The following DOCK8 variants were observed in gnomAD, a reference collection of about 807,000 sequenced individuals.
DOCK8 encodes dedicator of cytokinesis 8.
DOCK8 carries 141 observed loss-of-function variants against 245.6 expected under a neutral mutation model. That is an observed-to-expected ratio of 0.57 (90% confidence interval 0.50 to 0.66). DOCK8 has a LOEUF of 0.66. DOCK8 is among the 30% of genes least tolerant of loss of function. The pLI is 0.00. For synonymous variants in DOCK8, 1,168 were observed against 970.2 expected, an observed-to-expected ratio of 1.20 and a Z score of -3.79; for missense variants, 2,965 against 2,603.4, an observed-to-expected ratio of 1.14 and a Z score of -3.02.
At chr9:222,699 C>T (rs1332735585) in intron 1 of DOCK8, among the ~76,000 whole-genome samples, 1 of 152,160 alleles carries the variant, frequency 6.6e-6, no homozygotes, top group African/African-American at 2.4e-5. Context: ...TACATGCAAC[C>T]ATAAATGGTG....
intron 46 of DOCK8, among the ~76,000 whole-genome samples, chr9:458,988 C>T (rs1587129289): frequency 6.6e-6 from 1 of 152,272 alleles, no homozygotes; most frequent in East Asian, 1.9e-4. Flanking sequence ...AATCTGGTTT[C>T]TGTAGAACTG....
chr9:401,015 A>G (rs187520730), intron 26 of DOCK8, among the ~76,000 whole-genome samples: 8 of 136,442 alleles, frequency 5.9e-5, no homozygotes, highest in African/African-American at 2.0e-4. Flanking sequence ...TAGCTCCACC[A>G]TGACCACCTC....
chr9:280,407 C>G (rs2048527422), intron 2 of DOCK8, among the ~76,000 whole-genome samples: 1 of 152,180 alleles, frequency 6.6e-6, no homozygotes, highest in Admixed American at 6.5e-5. Context: ...CTCAGAGAAA[C>G]AGAAGCTGTA....
intron 2 of DOCK8, among the ~76,000 whole-genome samples, chr9:271,961 GA>G (rs1269931193): frequency 6.6e-6 from 1 of 152,084 alleles, no homozygotes; most frequent in Admixed American, 6.6e-5. Context: ...GATGTCTCTA[GA>G]CTAGGTGGGC....
chr9:332,796 T>C (rs2051086362), intron 10 of DOCK8, among the ~76,000 whole-genome samples: 1 of 151,728 alleles, frequency 6.6e-6, no homozygotes, highest in Non-Finnish European at 1.5e-5. Flanking sequence ...CAGCTGGTAC[T>C]ACAGGCACAT....
At chr9:290,573 T>C (rs1374168530) in intron 4 of DOCK8, among the ~76,000 whole-genome samples, 2 of 152,242 alleles carry the variant, frequency 1.3e-5, no homozygotes, top group Non-Finnish European at 2.9e-5. Context: ...TCTGTGACAT[T>C]GTTCTGAGCT....
chr9:338,968 A>C (rs2051446594), intron 12 of DOCK8, 38 bp from the exon 13 acceptor site: 1 of 1,559,718 alleles, frequency 6.4e-7, no homozygotes, highest in Admixed American at 1.7e-5. Flanking sequence ...CAAGAGTCAA[A>C]GGTGCATCTA....
At chr9:306,652 A>G (rs2049844346) in intron 5 of DOCK8, among the ~76,000 whole-genome samples, 1 of 152,190 alleles carries the variant, frequency 6.6e-6, no homozygotes, top group South Asian at 2.1e-4. Context: ...AGAATCTCCC[A>G]GAGGGTTTGT....
intron 23 of DOCK8, among the ~76,000 whole-genome samples, chr9:389,537 C>G (rs1344434111): frequency 2.0e-5 from 3 of 152,190 alleles, no homozygotes; most frequent in Admixed American, 2.0e-4. Context: ...ATTGTCCAGT[C>G]TCCTAGAGAG....
At chr9:244,294 G>GCACA (rs1404787728) in intron 1 of DOCK8, among the ~76,000 whole-genome samples, 1 of 145,160 alleles carries the variant, frequency 6.9e-6, no homozygotes, top group Non-Finnish European at 1.5e-5. Flanking sequence ...ACACACACAC[G>GCACA]CACACACATA....
intron 33 of DOCK8, among the ~76,000 whole-genome samples, chr9:423,322 G>C (rs2056354204): frequency 6.6e-6 from 1 of 152,182 alleles, no homozygotes; most frequent in South Asian, 2.1e-4. Flanking sequence ...ATATATGTTT[G>C]ACTAGATAGC....
chr9:243,966 C>T (rs1296549999), intron 1 of DOCK8, among the ~76,000 whole-genome samples: 2 of 151,898 alleles, frequency 1.3e-5, no homozygotes, highest in Admixed American at 6.6e-5. Context: ...GGGCAGATCA[C>T]GAGGTCAGGA....
intron 26 of DOCK8, among the ~76,000 whole-genome samples, chr9:400,343 C>T (rs796887906): frequency 1.2e-4 from 10 of 82,026 alleles, no homozygotes; most frequent in Non-Finnish European, 2.1e-4. Flanking sequence ...ACCTCCTCCA[C>T]CACCACCACC....
At chr9:371,761 G>A (rs575434075) in intron 17 of DOCK8, among the ~76,000 whole-genome samples, 195 bp downstream of exon 17, 22 of 152,342 alleles carry the variant, frequency 1.4e-4, no homozygotes, top group Admixed American at 5.2e-4. Context: ...GAAAGCTAGC[G>A]GGTGATAGAT....
intron 5 of DOCK8, among the ~76,000 whole-genome samples, chr9:308,629 C>G (rs911981480): frequency 6.6e-6 from 1 of 152,032 alleles, no homozygotes; most frequent in Non-Finnish European, 1.5e-5. Context: ...TAGCAATATA[C>G]TGTGATTATC....
In DOCK8 at chr9:405,064, A is replaced by G. The variant is rs369322460; in HGVS notation, c.3381A>G (p.Ile1127Met). The change falls in exon 27 of 48, where the codon ATA becomes ATG. Residue 1127 changes from isoleucine (I) to methionine (M), a missense_variant. Physicochemically the swap from Ile to Met is conservative, Grantham distance 10. Coordinates refer to ENST00000432829, the MANE Select transcript of DOCK8 (RefSeq NM_203447.4). ...DTAPTSPCPS[I>M]SSQNSSSCSS... Reference sequence around the variant, plus strand: ...CTCCAACATCTCCTTGTCCTTCCATATCTTCCCAGGTAATAAAAGAATTAT... The same window carrying G: ...CTCCAACATCTCCTTGTCCTTCCATGTCTTCCCAGGTAATAAAAGAATTAT... The G allele has an allele frequency of 9.9e-6, 16 of 1,613,310 alleles. No homozygotes were observed. Among genetic ancestry groups the G allele is most frequent in the Non-Finnish European group, 1.4e-5 (16 of 1,179,666 alleles).
chr9:297,363 C>T (rs945403891), intron 4 of DOCK8, among the ~76,000 whole-genome samples: 3 of 152,166 alleles, frequency 2.0e-5, no homozygotes, highest in Non-Finnish European at 4.4e-5. Context: ...GGCTGCACCA[C>T]ACTGTCTTTA....
intron 5 of DOCK8, among the ~76,000 whole-genome samples, chr9:305,809 A>C (rs572049380): frequency 2.6e-5 from 4 of 152,326 alleles, no homozygotes; most frequent in African/African-American, 9.6e-5. Flanking sequence ...CATGTTTCCA[A>C]AAGTTAAGCT....
At chr9:281,184 G>A (rs1344249772) in intron 2 of DOCK8, among the ~76,000 whole-genome samples, 1 of 152,006 alleles carries the variant, frequency 6.6e-6, no homozygotes, top group Non-Finnish European at 1.5e-5. Flanking sequence ...AACCCAGGAG[G>A]TGGAGGTTGC....
Sources: allele counts gnomAD v4.1 joint callset (sites outside exome capture counted in the v4.1 genomes callset), GRCh38; gene constraint gnomAD v4.1.1; transcripts MANE v1.5; gene names NCBI Gene and HGNC (gene_info 2026-07-23, HGNC 2026-07-21).